The following APBA1 variants were observed in gnomAD, a reference collection of about 807,000 sequenced individuals.
APBA1 encodes amyloid-beta A4 precursor protein-binding family A member 1.
A neutral mutation model predicts 86.6 loss-of-function variants in APBA1; 55 were observed. The ratio of observed to expected loss-of-function variants is 0.64; its 90% CI spans 0.51 to 0.80. The LOEUF is 0.80. Ranked by LOEUF, APBA1 falls within the 30% of genes least tolerant of loss-of-function variation. The pLI is 0.00. For missense variants in APBA1, 1,090 were observed against 1,183.0 expected (o/e 0.92, Z 1.15); for synonymous variants, 511 against 493.9 (o/e 1.03, Z -0.46).
intron 1 of APBA1, among the ~76,000 whole-genome samples, chr9:69,654,332 G>A (rs1361983572): frequency 6.6e-6 from 1 of 152,044 alleles, no homozygotes; most frequent in African/African-American, 2.4e-5. Context: ...AGGTGCGGTG[G>A]CTCATTCCTG....
chr9:69,586,126 C>A (rs1161716607), intron 1 of APBA1, among the ~76,000 whole-genome samples: 1 of 152,152 alleles, frequency 6.6e-6, no homozygotes, highest in African/African-American at 2.4e-5. Context: ...CAGCTAGAGC[C>A]ATCACTCAAC....
In APBA1 at chr9:69,658,282, T is replaced by TTCTTTCTTTCTTTCTTTC. The variant is rs1554709948; in HGVS notation, c.-70+13870_-70+13871insGAAAGAAAGAAAGAAAGA. 3.7e-3 allele frequency among the ~76,000 whole-genome samples: 146 copies of TTCTTTCTTTCTTTCTTTC among 39,822 alleles called. 7 individuals are homozygous for TTCTTTCTTTCTTTCTTTC. Among genetic ancestry groups the TTCTTTCTTTCTTTCTTTC allele is most frequent in the Middle Eastern group, 0.012 (1 of 86 alleles). 26.1% of individuals were successfully genotyped at this position (39,822 alleles called of 152,430 possible). Reference sequence around the variant, plus strand: ...TTTCTTTCTTTCTTTCTTTCTTTCTTTCTCTCTCTCTTTCTCTCTCTCTCT... The same window carrying TTCTTTCTTTCTTTCTTTC: ...TTTCTTTCTTTCTTTCTTTCTTTCTTTCTTTCTTTCTTTCTTTCTCTCTCTCTCTTTCTCTCTCTCTCT... On this transcript the variant is annotated intron_variant, in intron 1 of 12. Coordinates refer to ENST00000265381, the MANE Select transcript of APBA1 (RefSeq NM_001163.4).
chr9:69,670,318 A>G (rs1418099790), intron 1 of APBA1, among the ~76,000 whole-genome samples: 1 of 152,196 alleles, frequency 6.6e-6, no homozygotes, highest in Non-Finnish European at 1.5e-5. Flanking sequence ...AAGAAAGCAA[A>G]ACAAAAATTT....
At chr9:69,616,849 G>C (rs1576509) in intron 1 of APBA1, among the ~76,000 whole-genome samples, 140,204 of 152,214 alleles carry the variant, frequency 0.92, 65,293 homozygotes, top group East Asian at 1. Flanking sequence ...TGGTCAAAAG[G>C]GGGGAATGTG....
intron 1 of APBA1, among the ~76,000 whole-genome samples, chr9:69,662,820 C>T (rs1025081044): frequency 3.9e-5 from 6 of 152,254 alleles, no homozygotes; most frequent in African/African-American, 1.4e-4. Flanking sequence ...TGACTTGACA[C>T]GGTCCCCACA....
At chr9:69,540,323 G>A (rs1412463949) in intron 1 of APBA1, among the ~76,000 whole-genome samples, 1 of 152,054 alleles carries the variant, frequency 6.6e-6, no homozygotes, top group East Asian at 2.0e-4. Context: ...GTCTGGAATA[G>A]TGTGTGATAC....
At chr9:69,474,759 G>A (rs1835416235) in intron 3 of APBA1, among the ~76,000 whole-genome samples, 1 of 152,076 alleles carries the variant, frequency 6.6e-6, no homozygotes, top group African/African-American at 2.4e-5. Flanking sequence ...GGTTTAATAT[G>A]AACAGATTAA....
At chr9:69,540,458 G>A (rs1457766549) in intron 1 of APBA1, among the ~76,000 whole-genome samples, 1 of 152,012 alleles carries the variant, frequency 6.6e-6, no homozygotes, top group African/African-American at 2.4e-5. Flanking sequence ...GCACAATGTT[G>A]TATGATGGAT....
At chr9:69,474,829 C>A (rs11138843) in intron 3 of APBA1, among the ~76,000 whole-genome samples, 2 of 152,060 alleles carry the variant, frequency 1.3e-5, no homozygotes, top group African/African-American at 4.8e-5. Flanking sequence ...TTCAAGGGTG[C>A]CTTAAGGGTA....
chr9:69,471,541 G>A (rs1588304522), intron 4 of APBA1, 115 bp downstream of exon 4: 3 of 838,822 alleles, frequency 3.6e-6, no homozygotes, highest in East Asian at 2.5e-5. Context: ...TTGTGAATAA[G>A]TGACTTTGTG....
At chr9:69,643,916 G>A (rs983281658) in intron 1 of APBA1, among the ~76,000 whole-genome samples, 4 of 152,168 alleles carry the variant, frequency 2.6e-5, no homozygotes, top group Non-Finnish European at 5.9e-5. Context: ...AGGACTCCAA[G>A]CATGCTCTTG....
chr9:69,566,803 C>A (rs1409902127), intron 1 of APBA1, among the ~76,000 whole-genome samples: 4 of 152,124 alleles, frequency 2.6e-5, no homozygotes, highest in African/African-American at 9.7e-5. Context: ...CTGTCCCCTA[C>A]CTGCCCCACC....
intron 1 of APBA1, among the ~76,000 whole-genome samples, chr9:69,552,768 G>A (rs915955289): frequency 2.6e-5 from 4 of 152,210 alleles, no homozygotes; most frequent in Admixed American, 6.5e-5. Flanking sequence ...TTTAAAATCA[G>A]AGTTGAGTGG....
chr9:69,636,117 T>C lies in APBA1; in HGVS notation c.-70+36036A>G, dbSNP rs543392665. Among the ~76,000 whole-genome samples the C allele has an allele frequency of 9.8e-5, 15 of 152,294 alleles. No individual in the cohort carries two copies. The South Asian group carries it at 3.1e-3, about 32-fold the overall frequency. On this transcript the variant is annotated intron_variant, in intron 1 of 12. Coordinates refer to ENST00000265381, the MANE Select transcript of APBA1 (RefSeq NM_001163.4). Reference sequence around the variant, plus strand: ...ATCTGACATTTCTCAAAAGAAGACATACAAATGGCAAACAGGTTTATGAAA... The same window carrying C: ...ATCTGACATTTCTCAAAAGAAGACACACAAATGGCAAACAGGTTTATGAAA...
Position 69,456,445 on chromosome 9 carries a change from A to G in APBA1, c.1603-13T>C, listed in dbSNP as rs2133815230. The G allele has an allele frequency of 6.4e-7, 1 of 1,574,116 alleles. No individual in the cohort carries two copies. Among genetic ancestry groups the G allele is most frequent in the Non-Finnish European group, 8.6e-7 (1 of 1,159,148 alleles). ...CCATCATTGTCTCCTGGAGGCAGGA[A>G]GAGAGGGCGGGTAAGTCCAGCTCAG... On this transcript the variant is annotated splice_polypyrimidine_tract_variant and intron_variant, in intron 7 of 12. Transcript: ENST00000265381.
At chr9:69,589,814 A>G (rs1196026537) in intron 1 of APBA1, among the ~76,000 whole-genome samples, 1 of 152,168 alleles carries the variant, frequency 6.6e-6, no homozygotes, top group Non-Finnish European at 1.5e-5. Context: ...TTTTAGGTCC[A>G]TCTTCTACTT....
intron 1 of APBA1, among the ~76,000 whole-genome samples, chr9:69,568,517 A>C (rs980953761): frequency 2.6e-5 from 4 of 152,208 alleles, no homozygotes; most frequent in African/African-American, 9.7e-5. Context: ...ACCTTCCCCC[A>C]GGCTTTGGTT....
rs373466464 is a variant in APBA1 at position 69,542,328 on chromosome 9, T to G, written c.-69-25049A>C. Among the ~76,000 whole-genome samples, 6 of 152,362 alleles carry G rather than the reference T, an allele frequency of 3.9e-5. No individual in the cohort carries two copies. The South Asian group carries it at 6.2e-4, about 16-fold the overall frequency. Reference sequence around the variant, plus strand: ...CGCGCATGATGTACACTCTATGGGTTTGAACAAATATATAATGACATGTAT... The same window carrying G: ...CGCGCATGATGTACACTCTATGGGTGTGAACAAATATATAATGACATGTAT... On this transcript the variant is annotated intron_variant, in intron 1 of 12. Coordinates refer to ENST00000265381, the MANE Select transcript of APBA1 (RefSeq NM_001163.4).
chr9:69,512,145 T>C (rs1836059492), intron 2 of APBA1, among the ~76,000 whole-genome samples: 1 of 152,036 alleles, frequency 6.6e-6, no homozygotes, highest in Non-Finnish European at 1.5e-5. Flanking sequence ...ATTATCAATA[T>C]TTTTCAAGAA....
Sources: allele counts gnomAD v4.1 joint callset (sites outside exome capture counted in the v4.1 genomes callset), GRCh38; gene constraint gnomAD v4.1.1; transcripts MANE v1.5; gene names NCBI Gene and HGNC (gene_info 2026-07-23, HGNC 2026-07-21).